Variants in ABCC4 observed in about 807,000 individuals in gnomAD.
ABCC4 encodes ATP binding cassette subfamily C member 4 (PEL blood group), also known as ATP-binding cassette sub-family C member 4.
In ABCC4, 102 loss-of-function variants were observed where a neutral mutation model predicts 168.5. The observed-to-expected ratio is 0.61, with a 90% CI of 0.52 to 0.71. The LOEUF (loss-of-function observed/expected upper bound fraction) is 0.71. Among genes scored for constraint, ABCC4 ranks in the 30% least tolerant of loss-of-function variants. ABCC4 has a pLI of 0.00. For missense variants in ABCC4, 1,402 were observed against 1,605.8 expected, an observed-to-expected ratio of 0.87 and a Z score of 2.17; for synonymous variants, 617 against 590.7, an observed-to-expected ratio of 1.04 and a Z score of -0.65.
intron 19 of ABCC4, among the ~76,000 whole-genome samples, chr13:95,127,538 A>C (rs1594142305): frequency 6.6e-6 from 1 of 152,248 alleles, no homozygotes; most frequent in East Asian, 1.9e-4. Flanking sequence ...TTGGCCTCCC[A>C]AAGTGCTGGG....
chr13:95,151,200 G>T (rs2036662167), intron 19 of ABCC4, among the ~76,000 whole-genome samples: 1 of 152,062 alleles, frequency 6.6e-6, no homozygotes, highest in African/African-American at 2.4e-5. Flanking sequence ...ATCCATTGTT[G>T]GTCTAGTGTG....
intron 29 of ABCC4, among the ~76,000 whole-genome samples, chr13:95,039,060 G>C (rs1451086486): frequency 6.6e-6 from 1 of 152,176 alleles, no homozygotes; most frequent in African/African-American, 2.4e-5. Flanking sequence ...GGCCAAGTTA[G>C]GATGCACATG....
chr13:95,021,653 A>G lies in ABCC4; in HGVS notation c.3900T>C (p.Ile1300=). 1 of 1,611,448 alleles carries G rather than the reference A, an allele frequency of 6.2e-7. No homozygotes were observed. The highest frequency in any genetic ancestry group is 8.5e-7 in the Non-Finnish European group (1 of 1,178,008). ...TTGTAACCATGTGGTCAGTGTGACCAATATGTGGATAATTTCTTTTGAAGT... is the reference window on the plus strand; with the variant it reads ...TTGTAACCATGTGGTCAGTGTGACCGATATGTGGATAATTTCTTTTGAAGT... The part of the protein sequence containing the change: ...QVYFKRNYPH[I]GHTDHMVTNT... Residue 1300 remains isoleucine (I), a synonymous_variant, in exon 31 of 31, where the codon ATT becomes ATC. Transcript: ENST00000645237.
chr13:95,230,152 A>G (rs1043043723), intron 4 of ABCC4, among the ~76,000 whole-genome samples: 7 of 152,236 alleles, frequency 4.6e-5, no homozygotes, highest in African/African-American at 1.7e-4. Context: ...TGTTGACCTC[A>G]CTTAAAATAC....
intron 20 of ABCC4, among the ~76,000 whole-genome samples, chr13:95,107,935 T>C (rs898833714): frequency 1.3e-5 from 2 of 151,736 alleles, no homozygotes; most frequent in Non-Finnish European, 2.9e-5. Context: ...CGAGACCCCA[T>C]CTCAAAAAAA....
At chr13:95,161,696 A>G (rs1481154099) in intron 18 of ABCC4, 1 of 155,512 alleles carries the variant, frequency 6.4e-6, no homozygotes, top group Non-Finnish European at 1.4e-5. Context: ...TATGTCCCAT[A>G]ATCTAAAAAA....
chr13:95,196,088 A>G lies in ABCC4; in HGVS notation c.1162-1151T>C, dbSNP rs112351642. ...TGTTAACCATAACAAACCTAACATAATGATATATGGGAAAACTCCCTTTTG... is the reference window on the plus strand; with the variant it reads ...TGTTAACCATAACAAACCTAACATAGTGATATATGGGAAAACTCCCTTTTG... On this transcript the variant is annotated intron_variant, in intron 8 of 30. Coordinates refer to ENST00000645237, the MANE Select transcript of ABCC4 (RefSeq NM_005845.5). Among the ~76,000 whole-genome samples, 466 of 152,240 alleles carry G rather than the reference A, an allele frequency of 3.1e-3. 4 individuals are homozygous for G. Among genetic ancestry groups the G allele is most frequent in the African/African-American group, 0.01 (428 of 41,544 alleles).
At position 95,165,928 on chromosome 13, in the gene ABCC4, C is replaced by A. The variant is rs2037255698; in HGVS notation, c.2034+230G>T. Among the ~76,000 whole-genome samples the A allele has an allele frequency of 2.0e-5, 3 of 152,196 alleles. No homozygotes were observed. The South Asian group carries it at 6.2e-4, about 31-fold the overall frequency. On this transcript the variant is annotated intron_variant, in intron 15 of 30. Coordinates refer to ENST00000645237, the MANE Select transcript of ABCC4 (RefSeq NM_005845.5). ...CTTAGGACTTGCACCAGCATACACACCCGCTACTCACCTCCTTGACATTCC... is the reference window on the plus strand; with the variant it reads ...CTTAGGACTTGCACCAGCATACACAACCGCTACTCACCTCCTTGACATTCC...
At position 95,054,556 on chromosome 13, in the gene ABCC4, A is replaced by C. The variant is rs963106249; in HGVS notation, c.3367-1372T>G. 3.3e-5 allele frequency among the ~76,000 whole-genome samples: 5 copies of C among 152,084 alleles called. No individual in the cohort carries two copies. In the East Asian group the frequency reaches 5.8e-4, roughly 18 times the overall value. On this transcript the variant is annotated intron_variant, in intron 26 of 30. Transcript: ENST00000645237. ...GAGCAAGTCTCCATCTTAAAAAAAA[A>C]AACAACAAAAAAACAAAAACACAAA...
intron 9 of ABCC4, among the ~76,000 whole-genome samples, chr13:95,194,366 C>T (rs2038351093): frequency 6.6e-6 from 1 of 152,180 alleles, no homozygotes. Context: ...AGGGGAGCCC[C>T]ACCCCAACCC....
chr13:95,117,294 C>G (rs2035413002), intron 19 of ABCC4, among the ~76,000 whole-genome samples: 1 of 150,602 alleles, frequency 6.6e-6, no homozygotes, highest in South Asian at 2.1e-4. Context: ...ACGCCAGGTA[C>G]TTTTTCATGG....
chr13:95,258,329 C>T (rs72643690), intron 1 of ABCC4, among the ~76,000 whole-genome samples: 2,180 of 152,274 alleles, frequency 0.014, 20 homozygotes, highest in Admixed American at 0.022. Flanking sequence ...GCCACCCTGG[C>T]CTGATGTGTT....
chr13:95,078,947 G>C (rs2034000980), intron 21 of ABCC4, among the ~76,000 whole-genome samples: 1 of 152,310 alleles, frequency 6.6e-6, no homozygotes, highest in East Asian at 1.9e-4. Flanking sequence ...GGGTTTCAGG[G>C]CAGGGTCAAC....
chr13:95,056,296 G>C (rs945634811), intron 26 of ABCC4, among the ~76,000 whole-genome samples: 1 of 152,154 alleles, frequency 6.6e-6, no homozygotes, highest in African/African-American at 2.4e-5. Flanking sequence ...CCTTGATTCA[G>C]GGCAGCTCAT....
intron 1 of ABCC4, among the ~76,000 whole-genome samples, chr13:95,259,464 T>C (rs1015617183): frequency 2.6e-5 from 4 of 151,950 alleles, no homozygotes; most frequent in Non-Finnish European, 5.9e-5. Flanking sequence ...CATTTGGAGC[T>C]GAAAAACTCT....
At chr13:95,196,727 A>G (rs1033870062) in intron 8 of ABCC4, among the ~76,000 whole-genome samples, 4 of 103,546 alleles carry the variant, frequency 3.9e-5, no homozygotes, top group African/African-American at 1.2e-4. Context: ...GAAGGAAGGA[A>G]GGAAGAAGGG....
chr13:95,127,694 C>G (rs746655918), intron 19 of ABCC4, among the ~76,000 whole-genome samples: 2 of 152,182 alleles, frequency 1.3e-5, no homozygotes, highest in Non-Finnish European at 2.9e-5. Flanking sequence ...TCTATCCCCT[C>G]AGTGGTGATC....
intron 1 of ABCC4, among the ~76,000 whole-genome samples, chr13:95,270,362 G>GA (rs2040817573): frequency 8.7e-6 from 1 of 114,916 alleles, no homozygotes; most frequent in African/African-American, 4.2e-5. Context: ...AAAAAAGAAA[G>GA]AAAAGAAAAA....
intron 20 of ABCC4, among the ~76,000 whole-genome samples, chr13:95,112,753 T>G (rs1036453142): frequency 1.3e-5 from 2 of 152,162 alleles, no homozygotes; most frequent in Admixed American, 1.3e-4. Context: ...TCTGTGAGTT[T>G]CTCTGGGCTT....
Sources: allele counts gnomAD v4.1 joint callset (sites outside exome capture counted in the v4.1 genomes callset), GRCh38; gene constraint gnomAD v4.1.1; transcripts MANE v1.5; gene names NCBI Gene and HGNC (gene_info 2026-07-23, HGNC 2026-07-21).